CEP126: variants seen among roughly 807,000 people sequenced by gnomAD.
CEP126 encodes the protein centrosomal protein of 126 kDa.
Under a neutral mutation model 107.8 loss-of-function variants are expected in CEP126, and 74 were observed. That is an observed-to-expected ratio of 0.69 (90% CI 0.57 to 0.83). CEP126 has a LOEUF of 0.83. Among genes scored for constraint, CEP126 ranks in the 40% least tolerant of loss-of-function variants. The probability of loss-of-function intolerance (pLI) is 0.00; values close to 1 mark genes in which losing one functional copy is unlikely to be tolerated. For synonymous variants in CEP126, 449 were observed against 446.0 expected (o/e 1.01, Z -0.08); for missense variants, 1,237 against 1,281.9 (o/e 0.96, Z 0.53).
chr11:101,941,504 A>G (rs574387482), intron 2 of CEP126, among the ~76,000 whole-genome samples: 2 of 152,318 alleles, frequency 1.3e-5, no homozygotes, highest in South Asian at 2.1e-4. Flanking sequence ...AAAAAATTCC[A>G]TTTTATATAT....
At chr11:101,978,589 T>C in intron 7 of CEP126, 130 bp downstream of exon 7, 1 of 597,548 alleles carries the variant, frequency 1.7e-6, no homozygotes, top group East Asian at 2.8e-5. Flanking sequence ...GCCAAAGCCA[T>C]TTGTGAAGCA....
rs199954098 is a variant in CEP126 at position 101,938,401 on chromosome 11, A to AT, written c.249-5850dup. Among the ~76,000 whole-genome samples the AT allele has an allele frequency of 8.7e-3, 981 of 113,024 alleles. 7 individuals carry two copies. Among genetic ancestry groups the AT allele is most frequent in the Middle Eastern group, 0.032 (6 of 188 alleles). The allele number at this position is 113,024 out of a possible 152,430, so 74.1% of individuals were successfully genotyped here. On this transcript the variant is annotated intron_variant, in intron 2 of 10. Coordinates refer to ENST00000263468, the MANE Select transcript of CEP126 (RefSeq NM_020802.4). ...AAAGCAACTTGTCTATGTTTTCTCTATTTTTTTTTTTTTTGCTTACTACTT... is the reference window on the plus strand; with the variant it reads ...AAAGCAACTTGTCTATGTTTTCTCTATTTTTTTTTTTTTTTGCTTACTACTT...
chr11:101,971,536 G>A (rs183087915), intron 6 of CEP126, among the ~76,000 whole-genome samples: 8 of 151,422 alleles, frequency 5.3e-5, no homozygotes, highest in African/African-American at 1.2e-4. Flanking sequence ...AGGTTTGGGC[G>A]GGGGGAGGTG....
chr11:101,934,033 T>C (rs1940541454), intron 2 of CEP126, among the ~76,000 whole-genome samples: 1 of 152,060 alleles, frequency 6.6e-6, no homozygotes, highest in Non-Finnish European at 1.5e-5. Flanking sequence ...TACTCACAGA[T>C]AGATACAAAG....
chr11:101,966,355 A>G (rs1011419138), intron 6 of CEP126, among the ~76,000 whole-genome samples: 1 of 151,836 alleles, frequency 6.6e-6, no homozygotes, highest in Non-Finnish European at 1.5e-5. Flanking sequence ...CATTTGTGGG[A>G]TTTTTTTTCC....
intron 6 of CEP126, among the ~76,000 whole-genome samples, chr11:101,971,335 A>T (rs1941125866): frequency 6.6e-6 from 1 of 152,120 alleles, no homozygotes; most frequent in South Asian, 2.1e-4. Context: ...ATGAAAAAAA[A>T]AATAGTACAT....
In CEP126 at chr11:101,986,843, A is replaced by G. The variant is rs1941321672; in HGVS notation, c.3046A>G (p.Thr1016Ala). 1 of 1,613,374 alleles carries G rather than the reference A, an allele frequency of 6.2e-7. No individual in the cohort carries two copies. Among genetic ancestry groups the G allele is most frequent in the Non-Finnish European group, 8.5e-7 (1 of 1,179,454 alleles). ...GTAAGTTTCTGTAGTTTCAGATAGT[A>G]CTTCTGAGTTTTTGATGGCTGAAAA... is the stretch of plus-strand genomic sequence containing the variant. ...TSYIEEVSDS[T>A]SEFLMAENLV... is the part of the protein sequence containing the mutation. The change falls in exon 9 of 11, where the codon ACT (threonine) becomes GCT (alanine). Residue 1016 changes from threonine to alanine, a missense_variant. Coordinates refer to ENST00000263468, the MANE Select transcript of CEP126 (RefSeq NM_020802.4).
intron 9 of CEP126, among the ~76,000 whole-genome samples, chr11:101,989,885 G>A (rs185839629): frequency 6.6e-6 from 1 of 152,160 alleles, no homozygotes; most frequent in Non-Finnish European, 1.5e-5. Context: ...GCATGAACCC[G>A]GGAGTCAGAG....
At chr11:101,942,552 C>T (rs1329577083) in intron 2 of CEP126, among the ~76,000 whole-genome samples, 1 of 132,098 alleles carries the variant, frequency 7.6e-6, no homozygotes, top group African/African-American at 2.7e-5. Flanking sequence ...TGAAACATTC[C>T]GTTTGGGGTG....
In CEP126 at chr11:102,000,914, T is replaced by A. The variant is rs1396501946; in HGVS notation, c.*3271T>A. The A allele has an allele frequency of 6.6e-6, 1 of 152,198 alleles. No individual in the cohort carries two copies. Among genetic ancestry groups the A allele is most frequent in the East Asian group, 1.9e-4 (1 of 5,204 alleles). The allele number at this position is 152,198 out of a possible 1,614,324, so 9.4% of individuals were successfully genotyped here. A position where few individuals can be genotyped will look rare whatever the true frequency, so the allele number is the denominator to read the frequency against. ...ACTATGTCTGTGTTTCTTAGGAATG[T>A]TGAAGCTTTTTGTGAAAACTGTACT... On this transcript the variant is annotated 3_prime_UTR_variant, in exon 11 of 11. Transcript: ENST00000263468.
intron 4 of CEP126, 78 bp from the exon 5 acceptor site, chr11:101,958,090 A>T: frequency 1.7e-6 from 2 of 1,168,884 alleles, no homozygotes; most frequent in Non-Finnish European, 2.5e-6. Flanking sequence ...TATTACACCT[A>T]ATGTGTCATG....
chr11:101,975,382 C>T (rs1941181612), intron 6 of CEP126, among the ~76,000 whole-genome samples: 1 of 152,062 alleles, frequency 6.6e-6, no homozygotes, highest in African/African-American at 2.4e-5. Flanking sequence ...TCTCCAAGGT[C>T]ACAATGCAAA....
rs2137142460 is a variant in CEP126, at chr11:101,999,306, A to C, written c.*1663A>C. ...TCAGATGAAAACTCACTTTTATTAA[A>C]AAAAAAAAAGACAAGGGTTTATATT... On this transcript the variant is annotated 3_prime_UTR_variant, in exon 11 of 11. Coordinates refer to ENST00000263468, the MANE Select transcript of CEP126 (RefSeq NM_020802.4). 1 of 151,808 alleles carries C rather than the reference A, an allele frequency of 6.6e-6. No individual in the cohort carries two copies. The highest frequency in any genetic ancestry group is 3.4e-3 in the Middle Eastern group (1 of 292). 9.4% of individuals were successfully genotyped at this position (151,808 alleles called of 1,614,324 possible).
intron 1 of CEP126, chr11:101,916,369 G>A (rs925103865): frequency 6.6e-6 from 1 of 152,208 alleles, no homozygotes; most frequent in African/African-American, 2.4e-5. Flanking sequence ...TACAAATCTA[G>A]TGAGGAAGAC....
At chr11:101,982,925 C>T (rs1364511018) in intron 8 of CEP126, among the ~76,000 whole-genome samples, 2 of 151,994 alleles carry the variant, frequency 1.3e-5, no homozygotes, top group African/African-American at 2.4e-5. Context: ...ATTTAGCATC[C>T]CCAAGGGGAA....
intron 2 of CEP126, among the ~76,000 whole-genome samples, chr11:101,938,197 T>C (rs971764597): frequency 2.7e-5 from 4 of 149,540 alleles, no homozygotes; most frequent in Non-Finnish European, 4.5e-5. Flanking sequence ...TGGTCCATTT[T>C]ACCTAAGTTG....
intron 5 of CEP126, among the ~76,000 whole-genome samples, chr11:101,959,564 G>A (rs1020993735): frequency 5.9e-5 from 9 of 152,202 alleles, no homozygotes; most frequent in Non-Finnish European, 7.4e-5. Flanking sequence ...AATATATGAC[G>A]CATAACCAGG....
At chr11:101,946,805 T>C (rs976728537) in intron 3 of CEP126, among the ~76,000 whole-genome samples, 3 of 151,938 alleles carry the variant, frequency 2.0e-5, no homozygotes, top group African/African-American at 7.3e-5. Flanking sequence ...AAGGTCGTAG[T>C]AAGCAGAGGT....
At chr11:101,953,487 G>GA (rs1940840458) in intron 4 of CEP126, among the ~76,000 whole-genome samples, 1 of 151,642 alleles carries the variant, frequency 6.6e-6, no homozygotes, top group South Asian at 2.1e-4. Flanking sequence ...ATATAGATAA[G>GA]AAAAAAAGAA....
Sources: gnomAD v4.1 joint callset for allele counts (sites outside exome capture counted in the v4.1 genomes callset) on GRCh38, gnomAD v4.1.1 for gene constraint, MANE v1.5 for transcripts, NCBI Gene and HGNC (gene_info 2026-07-23, HGNC 2026-07-21) for gene names.